The following RBFOX1 variants were observed in gnomAD, a reference collection of about 807,000 sequenced individuals.
RBFOX1 encodes the protein RNA binding fox-1 homolog 1.
A neutral mutation model predicts 57.7 loss-of-function variants in RBFOX1; 8 were observed. The observed-to-expected ratio is 0.14, with a 90% confidence interval of 0.08 to 0.25. The LOEUF is 0.25. Ranked by LOEUF, RBFOX1 falls within the 10% of genes least tolerant of loss-of-function variation. The pLI, the probability that RBFOX1 is intolerant of heterozygous loss-of-function variation, is 1.00. For synonymous variants in RBFOX1, 326 were observed against 222.4 expected (o/e 1.47, Z -4.15); for missense variants, 611 against 548.5 (o/e 1.11, Z -1.14).
rs560422037 is a variant in RBFOX1, at chr16:6,387,820, T to G, written c.-64+70763T>G. ...CATTCCTCCCCATTCTCAGACCTTT[T>G]GACTTCCAGGAGAGCTTCGTCTGTC... On this transcript the variant is annotated intron_variant, in intron 2 of 15. Coordinates refer to ENST00000550418, the MANE Select transcript of RBFOX1 (RefSeq NM_018723.4). Among the ~76,000 whole-genome samples the G allele has an allele frequency of 1.5e-4, 23 of 152,164 alleles. No individual in the cohort carries two copies. The South Asian group carries it at 4.8e-3, about 32-fold the overall frequency.
At chr16:7,001,900 C>T (rs182629968) in intron 3 of RBFOX1, among the ~76,000 whole-genome samples, 18 of 152,208 alleles carry the variant, frequency 1.2e-4, no homozygotes, top group Admixed American at 6.5e-4. Context: ...CCATAGTAAG[C>T]GGGGGTCCCC....
chr16:5,573,946 C>G (rs1319986161), intron 2 of RBFOX1, among the ~76,000 whole-genome samples: 1 of 152,054 alleles, frequency 6.6e-6, no homozygotes, highest in African/African-American at 2.4e-5. Context: ...AGAATGAGAC[C>G]CTGTCTCAAA....
intron 5 of RBFOX1, among the ~76,000 whole-genome samples, chr16:7,561,323 G>A (rs2090305695): frequency 6.6e-6 from 1 of 152,132 alleles, no homozygotes; most frequent in African/African-American, 2.4e-5. Context: ...TCACTCTATG[G>A]CCCTTTAAAG....
chr16:7,612,320 C>CA (rs60248765), intron 10 of RBFOX1, among the ~76,000 whole-genome samples: 1,269 of 71,406 alleles, frequency 0.018, 130 homozygotes, highest in African/African-American at 0.052. Flanking sequence ...GACTCCATCT[C>CA]AAAAAAAAAA....
intron 1 of RBFOX1, among the ~76,000 whole-genome samples, chr16:6,020,463 T>C (rs1479686552): frequency 6.6e-6 from 1 of 151,942 alleles, no homozygotes; most frequent in African/African-American, 2.4e-5. Flanking sequence ...CCGAACCCCT[T>C]GTGGGAGGAG....
chr16:7,623,354 T>C lies in RBFOX1; in HGVS notation c.677-7249T>C, dbSNP rs140827686. Among the ~76,000 whole-genome samples, 35 of 152,310 alleles carry C rather than the reference T, an allele frequency of 2.3e-4. No individual in the cohort carries two copies. The East Asian group carries it at 6.6e-3, about 29-fold the overall frequency. On this transcript the variant is annotated intron_variant, in intron 10 of 15. Coordinates refer to ENST00000550418, the MANE Select transcript of RBFOX1 (RefSeq NM_018723.4). ...ATATATAATGAATTAATTATACAAC[T>C]TGCCATAATGTAGAATCAGTGGGAG...
intron 4 of RBFOX1, among the ~76,000 whole-genome samples, chr16:7,461,815 C>G (rs2059633356): frequency 1.6e-4 from 1 of 6,186 alleles, no homozygotes; most frequent in African/African-American, 3.3e-4. Flanking sequence ...CCTCTCATAT[C>G]TCTTAGCGAC....
chr16:5,315,040 G>C (rs2064197624), intron 1 of RBFOX1, among the ~76,000 whole-genome samples: 1 of 152,180 alleles, frequency 6.6e-6, no homozygotes, highest in Admixed American at 6.5e-5. Context: ...CCTTGTGCCA[G>C]CTGTTCAGAG....
At position 7,243,832 on chromosome 16, in the gene RBFOX1, G is replaced by T. The variant is rs116061547; in HGVS notation, c.27+191734G>T. 4.9e-3 allele frequency among the ~76,000 whole-genome samples: 740 copies of T among 152,232 alleles called. 6 individuals are homozygous for T. Among genetic ancestry groups the T allele is most frequent in the African/African-American group, 0.017 (687 of 41,552 alleles). ...CCCAAAGTGCTGGTATTAGAGGTAT[G>T]AGCCACTGCATCCTACCCCTTATTC... On this transcript the variant is annotated intron_variant, in intron 4 of 15. Transcript: ENST00000550418.
chr16:6,985,003 A>T (rs1234205989), intron 3 of RBFOX1, among the ~76,000 whole-genome samples: 1 of 150,488 alleles, frequency 6.6e-6, no homozygotes, highest in African/African-American at 2.4e-5. Flanking sequence ...GCTCCTTGAA[A>T]AACCCAGGGG....
At chr16:6,197,219 C>T (rs1330814187) in intron 1 of RBFOX1, among the ~76,000 whole-genome samples, 2 of 152,038 alleles carry the variant, frequency 1.3e-5, no homozygotes, top group Non-Finnish European at 2.9e-5. Flanking sequence ...TCTGGTGGCC[C>T]CCAAGCATCT....
chr16:7,359,568 C>G (rs558430869), intron 4 of RBFOX1, among the ~76,000 whole-genome samples: 2 of 152,216 alleles, frequency 1.3e-5, no homozygotes, highest in African/African-American at 2.4e-5. Context: ...AGTACCCATC[C>G]TTGTGTCCGG....
intron 2 of RBFOX1, among the ~76,000 whole-genome samples, chr16:5,478,911 G>A (rs943283411): frequency 6.6e-6 from 1 of 152,188 alleles, no homozygotes; most frequent in Non-Finnish European, 1.5e-5. Context: ...TGGGTTTAGG[G>A]ATGAGGGCAG....
At chr16:6,875,685 G>T (rs1165522225) in intron 3 of RBFOX1, among the ~76,000 whole-genome samples, 1 of 152,304 alleles carries the variant, frequency 6.6e-6, no homozygotes, top group South Asian at 2.1e-4. Flanking sequence ...TATACCATAA[G>T]CTCCCCTTCT....
chr16:5,383,187 A>G (rs1467960912), intron 1 of RBFOX1, among the ~76,000 whole-genome samples: 1 of 152,158 alleles, frequency 6.6e-6, no homozygotes, highest in African/African-American at 2.4e-5. Flanking sequence ...ACAAGTCTTC[A>G]CTTACTGGTG....
intron 3 of RBFOX1, among the ~76,000 whole-genome samples, chr16:6,840,035 T>G (rs1289164702): frequency 3.9e-5 from 6 of 152,202 alleles, no homozygotes; most frequent in Non-Finnish European, 8.8e-5. Flanking sequence ...CTGGGAAGGA[T>G]AATAAAACAA....
chr16:7,534,334 C>A (rs1482228531), intron 5 of RBFOX1, among the ~76,000 whole-genome samples: 2 of 151,852 alleles, frequency 1.3e-5, no homozygotes, highest in Non-Finnish European at 2.9e-5. Context: ...CTCAGGTGAT[C>A]CGCCCGTCTC....
chr16:7,215,916 G>C (rs141071318), intron 4 of RBFOX1, among the ~76,000 whole-genome samples: 3,503 of 152,042 alleles, frequency 0.023, 45 homozygotes, highest in South Asian at 0.038. Context: ...GTAGACATGG[G>C]GTTTCACCGT....
At chr16:6,872,638 G>C (rs2061139869) in intron 3 of RBFOX1, among the ~76,000 whole-genome samples, 1 of 152,124 alleles carries the variant, frequency 6.6e-6, no homozygotes, top group South Asian at 2.1e-4. Flanking sequence ...TCCTGCAGTG[G>C]CAACGGTTAA....
Sources: allele counts gnomAD v4.1 joint callset (sites outside exome capture counted in the v4.1 genomes callset), GRCh38; gene constraint gnomAD v4.1.1; transcripts MANE v1.5; gene names NCBI Gene and HGNC (gene_info 2026-07-23, HGNC 2026-07-21).